The following FRMPD4 variants were observed in gnomAD, a reference collection of about 807,000 sequenced individuals.
The protein encoded by FRMPD4 is FERM and PDZ domain containing 4.
Under a neutral mutation model 94.1 loss-of-function variants are expected in FRMPD4, and 22 were observed. The observed-to-expected ratio is 0.23, with a 90% CI of 0.17 to 0.33. The LOEUF is 0.33. Among genes scored for constraint, FRMPD4 ranks in the 10% least tolerant of loss-of-function variants. The pLI is 1.00. For missense variants in FRMPD4, 1,111 were observed against 1,339.9 expected (o/e 0.83, Z 2.67); for synonymous variants, 631 against 548.6 (o/e 1.15, Z -2.10).
chrX:12,154,781 G>A (rs1220957322), intron 1 of FRMPD4, among the ~76,000 whole-genome samples: 3 of 112,481 alleles, frequency 2.7e-5, no homozygotes. Context: ...TGTGATTCCT[G>A]GATTCGGCTT....
intron 1 of FRMPD4, among the ~76,000 whole-genome samples, chrX:12,249,344 A>T (rs1379870301): frequency 8.9e-6 from 1 of 111,753 alleles, no homozygotes; most frequent in Admixed American, 9.5e-5. Context: ...GTCTGAGCAG[A>T]TTCCATAGAG....
At chrX:11,987,703 C>T (rs2054440012) in intron 3 of FRMPD4, among the ~76,000 whole-genome samples, 1 of 111,793 alleles carries the variant, frequency 8.9e-6, no homozygotes, top group Non-Finnish European at 1.9e-5. Flanking sequence ...CCTATTAAAA[C>T]TGATAAACCA....
rs1358141493 is a variant in FRMPD4 at position 12,407,641 on chromosome X, G to C, written c.42-91039G>C. ...ATGGAGCTGTTACAAGAATTAAACA[G>C]GGCAATTCATAGGTCAGTAGACTTT... On this transcript the variant is annotated intron_variant, in intron 1 of 16. Transcript: ENST00000675598. Among the ~76,000 whole-genome samples, 3 of 112,253 alleles carry C rather than the reference G, an allele frequency of 2.7e-5. No individual in the cohort carries two copies. The Admixed American group carries it at 2.8e-4, about 11-fold the overall frequency.
intron 1 of FRMPD4, among the ~76,000 whole-genome samples, chrX:12,376,948 A>G (rs779513883): frequency 8.9e-6 from 1 of 111,980 alleles, no homozygotes; most frequent in South Asian, 3.8e-4. Context: ...GTTCCTGGGT[A>G]CTTCCTCCCA....
chrX:12,057,540 A>G (rs2054861041), intron 3 of FRMPD4, among the ~76,000 whole-genome samples: 1 of 111,769 alleles, frequency 8.9e-6, no homozygotes, highest in South Asian at 3.8e-4. Flanking sequence ...GTGATCCTAA[A>G]TCAGTATTAG....
intron 1 of FRMPD4, among the ~76,000 whole-genome samples, chrX:11,865,068 G>C (rs1170031051): frequency 9.0e-6 from 1 of 111,511 alleles, no homozygotes; most frequent in South Asian, 3.7e-4. Flanking sequence ...GTCAAACCAG[G>C]TATCATTTTT....
intron 1 of FRMPD4, among the ~76,000 whole-genome samples, chrX:12,220,372 C>A (rs749538249): frequency 9.0e-6 from 1 of 111,511 alleles, no homozygotes; most frequent in East Asian, 2.8e-4. Flanking sequence ...TATGTACAAC[C>A]GTGAGTGTGC....
chrX:12,505,750 G>T (rs1245137166), intron 2 of FRMPD4, among the ~76,000 whole-genome samples: 6 of 68,665 alleles, frequency 8.7e-5, no homozygotes, highest in East Asian at 4.1e-4. Context: ...AAAAAAAAAA[G>T]GGGGGGAGAG....
chrX:11,904,439 A>G (rs1052587518), intron 3 of FRMPD4, among the ~76,000 whole-genome samples: 1 of 112,342 alleles, frequency 8.9e-6, no homozygotes, highest in Non-Finnish European at 1.9e-5. Context: ...CTTAGATGAA[A>G]GGCAGGGGAC....
chrX:12,663,694 TG>T (rs960043284), intron 4 of FRMPD4, among the ~76,000 whole-genome samples: 1 of 112,470 alleles, frequency 8.9e-6, no homozygotes, highest in Non-Finnish European at 1.9e-5. Context: ...GGCTCTTTTT[TG>T]GTTCCATATG....
chrX:12,463,286 G>A (rs766503093), intron 1 of FRMPD4, among the ~76,000 whole-genome samples: 27 of 111,197 alleles, frequency 2.4e-4, no homozygotes, highest in Admixed American at 3.8e-4. Flanking sequence ...GGTGTGTGTA[G>A]ACTGGCTTTT....
At chrX:12,611,039 A>G (rs2059178080) in intron 3 of FRMPD4, among the ~76,000 whole-genome samples, 1 of 112,180 alleles carries the variant, frequency 8.9e-6, no homozygotes, top group Non-Finnish European at 1.9e-5. Context: ...AAATTCTACA[A>G]TATGATTAGA....
At chrX:12,349,080 G>T (rs1183078468) in intron 1 of FRMPD4, among the ~76,000 whole-genome samples, 1 of 111,348 alleles carries the variant, frequency 9.0e-6, no homozygotes, top group Admixed American at 9.5e-5. Context: ...TTGGGTGTGG[G>T]TGTCTCTGTC....
chrX:12,449,852 G>A (rs1478049027), intron 1 of FRMPD4, among the ~76,000 whole-genome samples: 2 of 110,162 alleles, frequency 1.8e-5, no homozygotes, highest in Admixed American at 1.9e-4. Flanking sequence ...AGCTGGACAC[G>A]GTGGTACATT....
At chrX:12,141,566 A>G (rs5935243) in intron 1 of FRMPD4, among the ~76,000 whole-genome samples, 35,046 of 109,807 alleles carry the variant, frequency 0.32, 4,796 homozygotes, top group East Asian at 0.82. Context: ...AGTGCCCCTC[A>G]ATAACCCAGT....
chrX:12,291,579 A>G (rs1472355949), intron 1 of FRMPD4, among the ~76,000 whole-genome samples: 1 of 111,904 alleles, frequency 8.9e-6, no homozygotes, highest in African/African-American at 3.3e-5. Flanking sequence ...CAACTTTATC[A>G]TTGCCAAATT....
At chrX:12,453,638 T>G (rs16998931) in intron 1 of FRMPD4, among the ~76,000 whole-genome samples, 2,463 of 111,669 alleles carry the variant, frequency 0.022, 76 homozygotes, top group African/African-American at 0.076. Context: ...GGTTTCCCAG[T>G]AGGCAACATT....
rs775890455 is a variant in FRMPD4 at position 12,558,095 on chromosome X, T to C, written c.159-51626T>C. On this transcript the variant is annotated intron_variant, in intron 2 of 16. Coordinates refer to ENST00000675598, the MANE Select transcript of FRMPD4 (RefSeq NM_001368397.1). ...AAGCAAGTCTCTTGCCACCACATCA[T>C]GTCCAATTACAAATGTACAGCATGT... is the stretch of plus-strand genomic sequence containing the variant. Among the ~76,000 whole-genome samples the C allele has an allele frequency of 2.7e-5, 3 of 112,497 alleles. No individual in the cohort carries two copies. In the East Asian group the frequency reaches 8.3e-4, roughly 31 times the overall value.
At chrX:12,555,397 ATTTTT>A (rs1011058886) in intron 2 of FRMPD4, among the ~76,000 whole-genome samples, 1 of 110,598 alleles carries the variant, frequency 9.0e-6, no homozygotes, top group African/African-American at 3.3e-5. Context: ...TCTTTTATAT[ATTTTT>A]TTGAGATTGG....
Sources: allele counts gnomAD v4.1 joint callset (sites outside exome capture counted in the v4.1 genomes callset), GRCh38; gene constraint gnomAD v4.1.1; transcripts MANE v1.5; gene names NCBI Gene and HGNC (gene_info 2026-07-23, HGNC 2026-07-21).